PLXDC2: variants seen among roughly 807,000 people sequenced by gnomAD.
The protein encoded by PLXDC2 is plexin domain containing 2.
A neutral mutation model predicts 68.9 loss-of-function variants in PLXDC2; 40 were observed. The observed-to-expected ratio is 0.58, with a 90% confidence interval of 0.45 to 0.76. The LOEUF (loss-of-function observed/expected upper bound fraction) is 0.76. Ranked by LOEUF, PLXDC2 falls within the 30% of genes least tolerant of loss-of-function variation. The pLI, the probability that PLXDC2 is intolerant of heterozygous loss-of-function variation, is 0.00. For synonymous variants in PLXDC2, 243 were observed against 234.2 expected (o/e 1.04, Z -0.34); for missense variants, 644 against 661.9 (o/e 0.97, Z 0.30).
chr10:20,001,610 A>G (rs530951807), intron 1 of PLXDC2, among the ~76,000 whole-genome samples, 165 bp from the exon 2 acceptor site: 2 of 152,320 alleles, frequency 1.3e-5, no homozygotes, highest in South Asian at 4.1e-4. Context: ...CCAATCAGAG[A>G]TGTTCGTACC....
chr10:20,280,190 G>A lies in PLXDC2; in HGVS notation c.*371G>A, dbSNP rs183538140. 16 of 167,126 alleles carry A rather than the reference G, an allele frequency of 9.6e-5. No homozygotes were observed. The highest frequency in any genetic ancestry group is 7.5e-4 in the Admixed American group (12 of 16,070). 10.4% of individuals were successfully genotyped at this position (167,126 alleles called of 1,614,324 possible). The stretch of plus-strand genomic sequence containing the variant: ...ATAAAGCTTTAGTTCATGAGGGATC[G>A]ACACCTTTGGTTCAAATGTTCTCTG... On this transcript the variant is annotated 3_prime_UTR_variant, in exon 14 of 14. Coordinates refer to ENST00000377252, the MANE Select transcript of PLXDC2 (RefSeq NM_032812.9).
At chr10:20,278,488 C>G (rs1836038053) in intron 13 of PLXDC2, among the ~76,000 whole-genome samples, 1 of 152,146 alleles carries the variant, frequency 6.6e-6, no homozygotes, top group African/African-American at 2.4e-5. Flanking sequence ...TTAAATTCTT[C>G]TTTTGGAAAA....
At chr10:19,883,151 A>G (rs1837765248) in intron 1 of PLXDC2, among the ~76,000 whole-genome samples, 1 of 151,640 alleles carries the variant, frequency 6.6e-6, no homozygotes, top group South Asian at 2.1e-4. Context: ...TTTAGTAGAG[A>G]TGGGGTTTCA....
intron 13 of PLXDC2, among the ~76,000 whole-genome samples, chr10:20,275,621 A>C (rs921604135): frequency 6.6e-6 from 1 of 152,172 alleles, no homozygotes; most frequent in Non-Finnish European, 1.5e-5. Context: ...AAAATTAAAA[A>C]GGAAGGAAGG....
intron 12 of PLXDC2, among the ~76,000 whole-genome samples, chr10:20,232,123 A>G (rs1835373302): frequency 6.6e-6 from 1 of 152,230 alleles, no homozygotes; most frequent in African/African-American, 2.4e-5. Context: ...ACTTGTATCC[A>G]GAAAATATAA....
intron 7 of PLXDC2, among the ~76,000 whole-genome samples, chr10:20,173,324 C>G (rs1834474909): frequency 6.6e-6 from 1 of 152,150 alleles, no homozygotes; most frequent in Non-Finnish European, 1.5e-5. Context: ...AATACTTACA[C>G]AATATGAGTA....
intron 12 of PLXDC2, among the ~76,000 whole-genome samples, chr10:20,223,460 G>A (rs1835244605): frequency 6.6e-6 from 1 of 151,778 alleles, no homozygotes; most frequent in African/African-American, 2.4e-5. Flanking sequence ...CTACAGGTGT[G>A]TGCCACTACA....
At chr10:20,128,805 C>G (rs779229217) in intron 4 of PLXDC2, among the ~76,000 whole-genome samples, 1 of 152,148 alleles carries the variant, frequency 6.6e-6, no homozygotes, top group Non-Finnish European at 1.5e-5. Context: ...CATGTTGACA[C>G]AAATGACTTC....
intron 7 of PLXDC2, among the ~76,000 whole-genome samples, chr10:20,174,635 G>T (rs1834501123): frequency 6.6e-6 from 1 of 152,046 alleles, no homozygotes. Context: ...ACACAATGGG[G>T]CCTGTTGTGG....
chr10:19,972,893 A>G (rs1834378220), intron 1 of PLXDC2, among the ~76,000 whole-genome samples: 1 of 152,162 alleles, frequency 6.6e-6, no homozygotes, highest in Non-Finnish European at 1.5e-5. Flanking sequence ...AAACCTCACT[A>G]CTTCCTATCT....
intron 13 of PLXDC2, among the ~76,000 whole-genome samples, chr10:20,270,515 C>T (rs1183489745): frequency 1.3e-5 from 2 of 151,870 alleles, no homozygotes; most frequent in Admixed American, 6.6e-5. Context: ...CTTCAAAGTC[C>T]AGAATCTGAG....
chr10:19,970,217 A>G (rs779894975), intron 1 of PLXDC2, among the ~76,000 whole-genome samples: 1 of 152,174 alleles, frequency 6.6e-6, no homozygotes. Flanking sequence ...TTTGTATTTT[A>G]TTAGTTTATT....
At chr10:20,228,324 G>A (rs976059647) in intron 12 of PLXDC2, among the ~76,000 whole-genome samples, 7 of 152,102 alleles carry the variant, frequency 4.6e-5, no homozygotes, top group African/African-American at 1.7e-4. Flanking sequence ...ACTTTGGGAG[G>A]CTGAGCTGGG....
rs1404181357 is a variant in PLXDC2 at position 20,211,652 on chromosome 10, T to G, written c.1062-17T>G. The G allele has an allele frequency of 3.1e-6, 5 of 1,612,516 alleles. No homozygotes were observed. The highest frequency in any genetic ancestry group is 2.5e-6 in the Non-Finnish European group (3 of 1,179,006). On this transcript the variant is annotated splice_polypyrimidine_tract_variant and intron_variant, in intron 9 of 13. Coordinates refer to ENST00000377252, the MANE Select transcript of PLXDC2 (RefSeq NM_032812.9). Reference sequence around the variant, plus strand: ...CTATCCTTCCTTTTCTGAACTGCATTGTGGTCTTCTTTGAAGATGTTCCAG... The same window carrying G: ...CTATCCTTCCTTTTCTGAACTGCATGGTGGTCTTCTTTGAAGATGTTCCAG...
intron 9 of PLXDC2, among the ~76,000 whole-genome samples, chr10:20,189,518 CATATAT>C (rs1186198928): frequency 5.7e-5 from 5 of 88,242 alleles, no homozygotes; most frequent in East Asian, 3.7e-4. Flanking sequence ...CATACACACA[CATATAT>C]ATACACACAC....
chr10:20,200,036 A>G (rs1834895626), intron 9 of PLXDC2, among the ~76,000 whole-genome samples: 1 of 151,922 alleles, frequency 6.6e-6, no homozygotes, highest in Non-Finnish European at 1.5e-5. Flanking sequence ...CTTTAATGCT[A>G]AGGTAGGAGA....
intron 1 of PLXDC2, among the ~76,000 whole-genome samples, chr10:19,880,533 A>G (rs991737525): frequency 1.3e-5 from 2 of 152,148 alleles, no homozygotes; most frequent in African/African-American, 2.4e-5. Flanking sequence ...GACCTCATCT[A>G]TTTTCAGACA....
intron 13 of PLXDC2, among the ~76,000 whole-genome samples, chr10:20,247,353 T>C (rs1310494377): frequency 6.6e-6 from 1 of 151,372 alleles, no homozygotes; most frequent in African/African-American, 2.4e-5. Flanking sequence ...GGCACATGCC[T>C]GTAGTCCAAG....
At chr10:20,230,013 A>T (rs915440192) in intron 12 of PLXDC2, among the ~76,000 whole-genome samples, 1 of 152,216 alleles carries the variant, frequency 6.6e-6, no homozygotes, top group African/African-American at 2.4e-5. Context: ...CCTGAAAAAG[A>T]CAAGAAAGAA....
Sources: gnomAD v4.1 joint callset for allele counts (sites outside exome capture counted in the v4.1 genomes callset) on GRCh38, gnomAD v4.1.1 for gene constraint, MANE v1.5 for transcripts, NCBI Gene and HGNC (gene_info 2026-07-23, HGNC 2026-07-21) for gene names.